Variants in ANO3 observed in about 807,000 individuals in gnomAD.
The protein encoded by ANO3 is anoctamin 3.
A neutral mutation model predicts 144.8 loss-of-function variants in ANO3; 99 were observed. The ratio of observed to expected loss-of-function variants is 0.68; its 90% CI spans 0.58 to 0.81. The LOEUF (loss-of-function observed/expected upper bound fraction) is 0.81. Ranked by LOEUF, ANO3 falls within the 30% of genes least tolerant of loss-of-function variation. ANO3 has a pLI of 0.00. For synonymous variants in ANO3, 414 were observed against 392.6 expected, an observed-to-expected ratio of 1.05 and a Z score of -0.64; for missense variants, 905 against 1,202.2, an observed-to-expected ratio of 0.75 and a Z score of 3.66.
chr11:26,596,326 C>G (rs1053438020), intron 14 of ANO3, among the ~76,000 whole-genome samples: 2 of 152,150 alleles, frequency 1.3e-5, no homozygotes, highest in African/African-American at 4.8e-5. Context: ...GAAGGACATT[C>G]GCTTGTTGCC....
At chr11:26,281,717 T>C (rs1445676938) in intron 1 of ANO3, among the ~76,000 whole-genome samples, 1 of 152,184 alleles carries the variant, frequency 6.6e-6, no homozygotes, top group Non-Finnish European at 1.5e-5. Context: ...TAAAGATTAA[T>C]ATAAAATTCT....
intron 3 of ANO3, among the ~76,000 whole-genome samples, chr11:26,448,910 CA>C (rs1242559991): frequency 2.0e-5 from 3 of 151,042 alleles, no homozygotes; most frequent in African/African-American, 7.4e-5. Context: ...AACTTCCGAA[CA>C]GATCTCCCTG....
At chr11:26,631,537 A>G (rs144791962) in intron 18 of ANO3, among the ~76,000 whole-genome samples, 227 of 152,268 alleles carry the variant, frequency 1.5e-3, no homozygotes, top group African/African-American at 5.0e-3. Flanking sequence ...AATTATCTGT[A>G]AGAATAATTG....
At chr11:26,497,427 T>C (rs750156443) in intron 4 of ANO3, among the ~76,000 whole-genome samples, 2 of 152,078 alleles carry the variant, frequency 1.3e-5, no homozygotes, top group Non-Finnish European at 2.9e-5. Flanking sequence ...TTCCATGCTG[T>C]TTTTGATAGA....
intron 1 of ANO3, among the ~76,000 whole-genome samples, chr11:26,361,010 T>C (rs1855912222): frequency 6.6e-6 from 1 of 152,190 alleles, no homozygotes; most frequent in Non-Finnish European, 1.5e-5. Context: ...CCGTCACCTC[T>C]AAATTTTATT....
At chr11:26,612,764 A>C (rs1852135509) in intron 17 of ANO3, among the ~76,000 whole-genome samples, 1 of 151,914 alleles carries the variant, frequency 6.6e-6, no homozygotes, top group Non-Finnish European at 1.5e-5. Flanking sequence ...AGCTTTATGG[A>C]TATAGTATTA....
chr11:26,438,671 G>A (rs559701284), intron 1 of ANO3, among the ~76,000 whole-genome samples: 3 of 150,344 alleles, frequency 2.0e-5, no homozygotes, highest in African/African-American at 4.9e-5. Flanking sequence ...CCAGCTACTC[G>A]GGGGGCTGGG....
chr11:26,217,410 TTGGCAAC>T lies in ANO3; in HGVS notation c.154+28084_154+28090del, dbSNP rs150739578. Among the ~76,000 whole-genome samples, 1,249 of 150,916 alleles carry T rather than the reference TTGGCAAC, an allele frequency of 8.3e-3. 11 individuals carry two copies. The highest frequency in any genetic ancestry group is 0.022 in the African/African-American group (928 of 41,420). On this transcript the variant is annotated intron_variant, in intron 1 of 27. Transcript: ENST00000672621. ...CAAGGAGTGTAAATGTCCGTGTGTC[TTGGCAAC>T]TGGTTGAGGTAAAAATGGCCTTTGT...
intron 1 of ANO3, among the ~76,000 whole-genome samples, chr11:26,236,632 C>T (rs942075880): frequency 2.6e-5 from 4 of 151,766 alleles, no homozygotes; most frequent in Admixed American, 1.3e-4. Flanking sequence ...TCCTGGCTAA[C>T]ACAGTGAAAC....
At chr11:26,367,503 A>G (rs1856125862) in intron 1 of ANO3, among the ~76,000 whole-genome samples, 2 of 151,802 alleles carry the variant, frequency 1.3e-5, no homozygotes, top group African/African-American at 4.8e-5. Context: ...ACTTTCCCTC[A>G]TCTGTCTTCT....
intron 1 of ANO3, among the ~76,000 whole-genome samples, chr11:26,262,368 A>G (rs989122757): frequency 6.6e-6 from 1 of 152,048 alleles, no homozygotes; most frequent in Non-Finnish European, 1.5e-5. Context: ...TTTTTGTTCT[A>G]TCTTGCTGTT....
intron 1 of ANO3, among the ~76,000 whole-genome samples, chr11:26,381,827 A>G (rs1257972072): frequency 6.6e-6 from 1 of 152,134 alleles, no homozygotes; most frequent in African/African-American, 2.4e-5. Flanking sequence ...AAGGGCAATG[A>G]TTGTCAGATG....
intron 1 of ANO3, among the ~76,000 whole-genome samples, chr11:26,421,711 A>G (rs181917003): frequency 6.6e-6 from 1 of 152,140 alleles, no homozygotes; most frequent in East Asian, 1.9e-4. Flanking sequence ...AGAATCAGTG[A>G]TAGACTGGAT....
At chr11:26,300,830 C>CTTTA (rs1455225995) in intron 1 of ANO3, among the ~76,000 whole-genome samples, 1 of 149,988 alleles carries the variant, frequency 6.7e-6, no homozygotes. Flanking sequence ...TACTTCTTTA[C>CTTTA]TTTATTTATT....
chr11:26,192,854 C>T (rs913345924), intron 1 of ANO3, among the ~76,000 whole-genome samples: 1 of 152,110 alleles, frequency 6.6e-6, no homozygotes, highest in African/African-American at 2.4e-5. Context: ...GGGAAATTGC[C>T]TCTTTGTGTT....
intron 1 of ANO3, among the ~76,000 whole-genome samples, chr11:26,270,634 C>A (rs528777403): frequency 1.3e-5 from 2 of 152,052 alleles, no homozygotes; most frequent in African/African-American, 4.8e-5. Context: ...AAATATATTA[C>A]GAATTCATTT....
intron 1 of ANO3, among the ~76,000 whole-genome samples, chr11:26,320,148 T>A (rs1447588591): frequency 6.6e-6 from 1 of 152,010 alleles, no homozygotes; most frequent in Non-Finnish European, 1.5e-5. Context: ...TGGGCTGGAG[T>A]TCCTGTAGAG....
At chr11:26,611,125 T>G (rs1852087297) in intron 17 of ANO3, among the ~76,000 whole-genome samples, 1 of 152,182 alleles carries the variant, frequency 6.6e-6, no homozygotes, top group Non-Finnish European at 1.5e-5. Flanking sequence ...AAAGTCACTA[T>G]TGTATTTATT....
At chr11:26,346,015 G>A (rs777740126) in intron 1 of ANO3, among the ~76,000 whole-genome samples, 6 of 152,186 alleles carry the variant, frequency 3.9e-5, no homozygotes, top group Non-Finnish European at 8.8e-5. Flanking sequence ...ACTGATAACA[G>A]TTTGGGGCCT....
Sources: gnomAD v4.1 joint callset for allele counts (sites outside exome capture counted in the v4.1 genomes callset) on GRCh38, gnomAD v4.1.1 for gene constraint, MANE v1.5 for transcripts, NCBI Gene and HGNC (gene_info 2026-07-23, HGNC 2026-07-21) for gene names.